Variants in SHISA5 observed in about 807,000 individuals in gnomAD.
SHISA5 encodes protein shisa-5.
In SHISA5, 21 loss-of-function variants were observed where a neutral mutation model predicts 27.5. That is an observed-to-expected ratio of 0.76 (90% CI 0.54 to 1.10). The LOEUF (loss-of-function observed/expected upper bound fraction) is 1.10, where lower values mean the gene tolerates loss of function less well. Among genes scored for constraint, SHISA5 ranks in the 50% least tolerant of loss-of-function variants. The pLI, the probability that SHISA5 is intolerant of heterozygous loss-of-function variation, is 0.00. For missense variants in SHISA5, 314 were observed against 336.3 expected (o/e 0.93, Z 0.52); for synonymous variants, 137 against 142.2 (o/e 0.96, Z 0.26).
chr3:48,502,419 A>G, intron 1 of SHISA5: 2 of 456,702 alleles, frequency 4.4e-6, no homozygotes, highest in Non-Finnish European at 8.8e-6. Context: ...AGCCTGGGCA[A>G]CAGGGCTCCA....
intron 2 of SHISA5, among the ~76,000 whole-genome samples, chr3:48,500,278 G>A (rs1251884681): frequency 6.6e-6 from 1 of 152,208 alleles, no homozygotes; most frequent in Admixed American, 6.5e-5. Flanking sequence ...GACCATAGCA[G>A]ACGGTTGCCT....
intron 2 of SHISA5, chr3:48,479,566 G>A (rs1308064392): frequency 2.7e-6 from 1 of 372,074 alleles, no homozygotes; most frequent in Non-Finnish European, 4.8e-6. Context: ...TTACAAATCA[G>A]TAACCACATT....
intron 2 of SHISA5, among the ~76,000 whole-genome samples, chr3:48,496,750 G>A (rs928431224): frequency 1.4e-5 from 2 of 145,810 alleles, no homozygotes; most frequent in Admixed American, 6.9e-5. Flanking sequence ...AAAAAGAAAA[G>A]AAATTTAAAC....
Position 48,473,211 on chromosome 3 carries a change from C to T in SHISA5, c.315-3368G>A. 7.0e-7 allele frequency: 1 copy of T among 1,427,394 alleles called. No individual in the cohort carries two copies. The highest frequency in any genetic ancestry group is 9.1e-7 in the Non-Finnish European group (1 of 1,094,200). 88.4% of individuals were successfully genotyped at this position (1,427,394 alleles called of 1,614,324 possible). ...AAAGACACAGGATGGCCCCGCCCAG[C>T]AGCCGGCTAGCAGCCAAGGAGCCAA... On this transcript the variant is annotated intron_variant, in intron 3 of 5. Coordinates refer to ENST00000296444, the MANE Select transcript of SHISA5 (RefSeq NM_016479.6). The surrounding 1 kb of genome is among the most constrained non-coding windows in gnomAD (Gnocchi z 4.3).
intron 2 of SHISA5, among the ~76,000 whole-genome samples, chr3:48,486,539 ATATATAT>A (rs1332096444): frequency 8.3e-6 from 1 of 120,314 alleles, no homozygotes; most frequent in Non-Finnish European, 1.6e-5. Flanking sequence ...ATAATTATAA[ATATATAT>A]TATATATTAT....
At chr3:48,479,301 G>A (rs762558412) in intron 2 of SHISA5, 44 bp from the exon 3 acceptor site, 54 of 1,557,824 alleles carry the variant, frequency 3.5e-5, no homozygotes, top group Non-Finnish European at 4.2e-5. Context: ...AAGCCCCACC[G>A]AGCGCCAGCA....
intron 3 of SHISA5, chr3:48,476,808 CACT>C: frequency 4.2e-6 from 1 of 236,538 alleles, no homozygotes. Context: ...GGGGGAGCAT[CACT>C]CCAGTCACCT....
chr3:48,498,754 G>A lies in SHISA5; in HGVS notation c.233+2383C>T, dbSNP rs115760838. ...AGTAACAGTCGAAGAAAAATATGGC[G>A]TAAAAACAAATCGAAACAATACAGG... On this transcript the variant is annotated intron_variant, in intron 2 of 5. Coordinates refer to ENST00000296444, the MANE Select transcript of SHISA5 (RefSeq NM_016479.6). 1.8e-3 allele frequency among the ~76,000 whole-genome samples: 269 copies of A among 150,612 alleles called. 1 individual carries two copies. Among genetic ancestry groups the A allele is most frequent in the African/African-American group, 5.8e-3 (239 of 41,048 alleles).
At chr3:48,490,662 T>C (rs1397723293) in intron 2 of SHISA5, among the ~76,000 whole-genome samples, 2 of 152,200 alleles carry the variant, frequency 1.3e-5, no homozygotes, top group Non-Finnish European at 2.9e-5. Context: ...TATCATGATT[T>C]ACTTTCCAAC....
At chr3:48,475,268 T>G (rs1045633834) in intron 3 of SHISA5, among the ~76,000 whole-genome samples, 1 of 151,982 alleles carries the variant, frequency 6.6e-6, no homozygotes, top group Non-Finnish European at 1.5e-5. Context: ...AGGCCACACG[T>G]GGCTACAGTA....
chr3:48,482,264 G>A (rs1205724837), intron 2 of SHISA5, among the ~76,000 whole-genome samples: 3 of 152,034 alleles, frequency 2.0e-5, no homozygotes, highest in African/African-American at 7.2e-5. Context: ...GGGCAGCCAA[G>A]TGCAATAGCA....
intron 1 of SHISA5, chr3:48,503,626 G>C: frequency 2.3e-6 from 2 of 869,552 alleles, no homozygotes; most frequent in Non-Finnish European, 1.4e-6. Context: ...GGGGCTCCCA[G>C]ACATTAAACA....
chr3:48,494,984 C>A (rs1474278049), intron 2 of SHISA5, among the ~76,000 whole-genome samples: 3 of 144,732 alleles, frequency 2.1e-5, no homozygotes, highest in Admixed American at 6.7e-5. Context: ...ATTTTTTTTT[C>A]TTTTTAGAGA....
rs921598949 is a variant in SHISA5 at position 48,469,897 on chromosome 3, T to G, written c.315-54A>C. On this transcript the variant is annotated intron_variant, in intron 3 of 5. Coordinates refer to ENST00000296444, the MANE Select transcript of SHISA5 (RefSeq NM_016479.6). The surrounding 1 kb of genome is among the most constrained non-coding windows in gnomAD (Gnocchi z 4.6). ...CACCTCGCCCCTCCCCAGACCAGCA[T>G]CCACACCTTCCCAAGGCATGCCCCT... 6 of 1,575,840 alleles carry G rather than the reference T, an allele frequency of 3.8e-6. No homozygotes were observed. In the African/African-American group the frequency reaches 8.1e-5, roughly 21 times the overall value.
intron 3 of SHISA5, among the ~76,000 whole-genome samples, chr3:48,478,544 G>A (rs1426933986): frequency 6.6e-6 from 1 of 152,112 alleles, no homozygotes; most frequent in Non-Finnish European, 1.5e-5. Context: ...CCTCCAGGAA[G>A]ATGTCACAAC....
rs113588470 is a variant in SHISA5 at position 48,489,325 on chromosome 3, T to A, written c.234-10068A>T. Among the ~76,000 whole-genome samples, 600 of 150,350 alleles carry A rather than the reference T, an allele frequency of 4.0e-3. 4 individuals are homozygous for A. The highest frequency in any genetic ancestry group is 0.011 in the African/African-American group (464 of 41,384). ...GACACCCCTGCTACAGCTATTTTTT[T>A]ATTTTTTTATTTTTTAGCCAGAGTC... On this transcript the variant is annotated intron_variant, in intron 2 of 5. Transcript: ENST00000296444.
chr3:48,488,230 C>G (rs965024399), intron 2 of SHISA5, among the ~76,000 whole-genome samples: 36 of 148,566 alleles, frequency 2.4e-4, no homozygotes, highest in Non-Finnish European at 4.0e-4. Context: ...CAGCTTGGAT[C>G]CTCTTGACTG....
At chr3:48,497,376 C>A (rs1232528754) in intron 2 of SHISA5, among the ~76,000 whole-genome samples, 1 of 148,212 alleles carries the variant, frequency 6.7e-6, no homozygotes, top group East Asian at 2.1e-4. Context: ...CAATTCTCTG[C>A]CTCAGGCTCC....
At chr3:48,471,358 C>T (rs907427197) in intron 3 of SHISA5, among the ~76,000 whole-genome samples, 11 of 150,072 alleles carry the variant, frequency 7.3e-5, no homozygotes, top group Non-Finnish European at 1.0e-4. Context: ...CCGAGATGGG[C>T]GGATCACAAG....
Sources: allele counts gnomAD v4.1 joint callset (sites outside exome capture counted in the v4.1 genomes callset), GRCh38; gene constraint gnomAD v4.1.1; non-coding constraint Gnocchi (gnomAD v3.1); transcripts MANE v1.5; gene names NCBI Gene and HGNC (gene_info 2026-07-23, HGNC 2026-07-21).